SLC25A16: variants seen among roughly 807,000 people sequenced by gnomAD.
SLC25A16 encodes the protein solute carrier family 25 member 16, also known as mitochondrial coenzyme A transporter SLC25A16.
Under a neutral mutation model 41.5 loss-of-function variants are expected in SLC25A16, and 39 were observed. That is an observed-to-expected ratio of 0.94 (90% CI 0.73 to 1.23). The LOEUF (loss-of-function observed/expected upper bound fraction) is 1.23. Among genes scored for constraint, SLC25A16 ranks in the 50% most tolerant of loss-of-function variants. The pLI is 0.00. For synonymous variants in SLC25A16, 146 were observed against 147.8 expected (o/e 0.99, Z 0.09); for missense variants, 421 against 426.9 (o/e 0.99, Z 0.12).
At chr10:68,525,416 G>A (rs573461268) in intron 1 of SLC25A16, among the ~76,000 whole-genome samples, 9 of 152,148 alleles carry the variant, frequency 5.9e-5, no homozygotes, top group Admixed American at 2.0e-4. Context: ...GATTACAGGC[G>A]TGAGCCACCC....
At chr10:68,488,978 T>C (rs1455238407) in intron 6 of SLC25A16, among the ~76,000 whole-genome samples, 2 of 152,040 alleles carry the variant, frequency 1.3e-5, no homozygotes, top group African/African-American at 4.8e-5. Context: ...ACATTTAAAA[T>C]AACAATGATG....
chr10:68,522,687 C>T (rs1443182847), intron 1 of SLC25A16, among the ~76,000 whole-genome samples: 3 of 152,054 alleles, frequency 2.0e-5, no homozygotes, highest in Non-Finnish European at 4.4e-5. Flanking sequence ...TGGTGACACA[C>T]GCCTATAGTC....
At chr10:68,493,341 T>C in intron 5 of SLC25A16, 108 bp downstream of exon 5, 1 of 1,155,604 alleles carries the variant, frequency 8.7e-7, no homozygotes, top group Non-Finnish European at 1.3e-6. Flanking sequence ...ATTATTGTTA[T>C]TAACATCAAT....
intron 2 of SLC25A16, among the ~76,000 whole-genome samples, chr10:68,509,913 C>CTAAAAATA (rs2053031359): frequency 1.3e-5 from 2 of 151,536 alleles, no homozygotes; most frequent in South Asian, 4.2e-4. Context: ...CTCGTCTCTA[C>CTAAAAATA]TAAAAATATA....
intron 2 of SLC25A16, among the ~76,000 whole-genome samples, chr10:68,510,565 G>A (rs180974336): frequency 5.5e-4 from 83 of 151,960 alleles, no homozygotes; most frequent in Non-Finnish European, 4.4e-5. Flanking sequence ...AATGGGCCGG[G>A]CGCGGTGGCT....
intron 6 of SLC25A16, among the ~76,000 whole-genome samples, chr10:68,489,131 T>A (rs1206463641): frequency 1.3e-5 from 2 of 152,060 alleles, no homozygotes; most frequent in African/African-American, 4.8e-5. Flanking sequence ...TAGTCGGGTG[T>A]GGTGGCGCAT....
chr10:68,488,374 T>A, intron 7 of SLC25A16, 93 bp downstream of exon 7: 1 of 910,866 alleles, frequency 1.1e-6, no homozygotes, highest in East Asian at 3.0e-5. Flanking sequence ...TCTTTTTGAA[T>A]AATCTATTAG....
At chr10:68,524,752 CCTGTAATCCCAG>C (rs1285601725) in intron 1 of SLC25A16, among the ~76,000 whole-genome samples, 4 of 151,362 alleles carry the variant, frequency 2.6e-5, no homozygotes, top group Non-Finnish European at 5.9e-5. Flanking sequence ...GTGGTGCACG[CCTGTAATCCCAG>C]CTACTTGGGA....
chr10:68,525,213 C>T (rs2053317591), intron 1 of SLC25A16, among the ~76,000 whole-genome samples: 1 of 152,046 alleles, frequency 6.6e-6, no homozygotes, highest in South Asian at 2.1e-4. Context: ...TCTCGGCTCA[C>T]TGCAACCTCC....
At chr10:68,518,760 C>A (rs1277829823) in intron 1 of SLC25A16, among the ~76,000 whole-genome samples, 2 of 150,448 alleles carry the variant, frequency 1.3e-5, no homozygotes, top group East Asian at 3.9e-4. Context: ...AGCAACAGAG[C>A]AGGTCTCGGT....
chr10:68,488,556 A>AT lies in SLC25A16; in HGVS notation c.683_684insA (p.Ser229PhefsTer6). The AT allele has an allele frequency of 1.2e-6, 2 of 1,602,958 alleles. No homozygotes were observed. The highest frequency in any genetic ancestry group is 1.7e-6 in the Non-Finnish European group (2 of 1,177,484). On this transcript the variant is annotated frameshift_variant, in exon 7 of 9. Coordinates refer to ENST00000609923, the MANE Select transcript of SLC25A16 (RefSeq NM_152707.4). LOFTEE classifies it high-confidence loss of function. ...CTAAGACATTAGGATTGTCTGATGA[A>AT]GGTCTGCCAAGAAGGGTAGGAGCAT...
intron 4 of SLC25A16, among the ~76,000 whole-genome samples, chr10:68,495,245 T>C (rs2052730758): frequency 6.6e-6 from 1 of 151,772 alleles, no homozygotes; most frequent in Non-Finnish European, 1.5e-5. Context: ...ACCCCATCTC[T>C]ACTAAAAATA....
At chr10:68,513,929 GC>G (rs1288130076) in intron 2 of SLC25A16, among the ~76,000 whole-genome samples, 2 of 152,104 alleles carry the variant, frequency 1.3e-5, no homozygotes, top group African/African-American at 4.8e-5. Context: ...GGGAGCAGTG[GC>G]TCATGCCTAT....
intron 2 of SLC25A16, among the ~76,000 whole-genome samples, chr10:68,509,891 G>C (rs1419937951): frequency 6.6e-6 from 1 of 151,676 alleles, no homozygotes; most frequent in Non-Finnish European, 1.5e-5. Flanking sequence ...AGGAGTTCGA[G>C]ACCAGCCTGA....
At position 68,483,502 on chromosome 10, in the gene SLC25A16, C is replaced by T. The variant is rs1172634657; in HGVS notation, c.929G>A (p.Arg310His). The T allele has an allele frequency of 1.4e-5, 22 of 1,612,432 alleles. No individual in the cohort carries two copies. The highest frequency in any genetic ancestry group is 1.8e-5 in the Non-Finnish European group (21 of 1,179,418). The change falls in exon 9 of 9, where the codon CGC becomes CAC. Residue 310 changes from arginine (R) to histidine (H), a missense_variant. By Grantham distance (29) the Arg-to-His change is conservative. Transcript: ENST00000609923. Reference sequence around the variant, plus strand: ...AGCCACTGCTTGAGAGGGAATACAGCGAATGTAATTAAGAGATAAACCACG... The same window carrying T: ...AGCCACTGCTTGAGAGGGAATACAGTGAATGTAATTAAGAGATAAACCACG... Reference protein sequence around the residue: ...LYRGLSLNYIRCIPSQAVAFT... With the variant: ...LYRGLSLNYIHCIPSQAVAFT...
intron 3 of SLC25A16, among the ~76,000 whole-genome samples, chr10:68,505,798 ACGGAGG>A (rs1397769919): frequency 6.6e-6 from 1 of 152,006 alleles, no homozygotes; most frequent in Non-Finnish European, 1.5e-5. Context: ...ATTTTGGGAG[ACGGAGG>A]CGGGTGGATC....
chr10:68,494,894 G>A (rs1203561164), intron 4 of SLC25A16, among the ~76,000 whole-genome samples: 4 of 146,566 alleles, frequency 2.7e-5, no homozygotes, highest in Admixed American at 2.1e-4. Flanking sequence ...AAAAAAAAAA[G>A]TAAAAAGAAA....
At chr10:68,494,235 C>A (rs1247150299) in intron 4 of SLC25A16, among the ~76,000 whole-genome samples, 2 of 151,320 alleles carry the variant, frequency 1.3e-5, no homozygotes, top group East Asian at 3.9e-4. Flanking sequence ...GAGGCCGAGG[C>A]AGGTGGATTA....
intron 4 of SLC25A16, chr10:68,496,492 C>T: frequency 1.0e-6 from 1 of 984,916 alleles, no homozygotes; most frequent in Non-Finnish European, 1.2e-6. Flanking sequence ...CAATCCAATA[C>T]AAATAGTAGA....
Sources: allele counts gnomAD v4.1 joint callset (sites outside exome capture counted in the v4.1 genomes callset), GRCh38; gene constraint gnomAD v4.1.1; transcripts MANE v1.5; gene names NCBI Gene and HGNC (gene_info 2026-07-23, HGNC 2026-07-21).